The following AUH variants were observed in gnomAD, a reference collection of about 807,000 sequenced individuals.
AUH encodes methylglutaconyl-CoA hydratase, mitochondrial.
AUH carries 29 observed loss-of-function variants against 42.3 expected under a neutral mutation model. The ratio of observed to expected loss-of-function variants is 0.69; its 90% CI spans 0.51 to 0.93. AUH has a LOEUF of 0.93. AUH is among the 40% of genes least tolerant of loss of function. AUH has a pLI of 0.00. For missense variants in AUH, 452 were observed against 438.1 expected, an observed-to-expected ratio of 1.03 and a Z score of -0.28; for synonymous variants, 174 against 166.4, an observed-to-expected ratio of 1.05 and a Z score of -0.35.
chr9:91,337,787 G>C (rs1830801397), intron 3 of AUH, among the ~76,000 whole-genome samples: 3 of 152,154 alleles, frequency 2.0e-5, no homozygotes. Flanking sequence ...ATTACAAATT[G>C]GTTCTGCTTC....
intron 5 of AUH, among the ~76,000 whole-genome samples, chr9:91,297,108 T>C (rs1200449195): frequency 6.6e-6 from 1 of 152,182 alleles, no homozygotes; most frequent in Non-Finnish European, 1.5e-5. Context: ...ACGATGAATA[T>C]GGGAGATCAG....
At chr9:91,348,633 A>T (rs1278690291) in intron 3 of AUH, among the ~76,000 whole-genome samples, 2 of 152,234 alleles carry the variant, frequency 1.3e-5, no homozygotes, top group African/African-American at 4.8e-5. Flanking sequence ...ATTATGTTAA[A>T]TGAAAGAGGT....
intron 6 of AUH, among the ~76,000 whole-genome samples, chr9:91,293,581 G>A (rs1827084873): frequency 2.0e-5 from 3 of 152,188 alleles, no homozygotes; most frequent in African/African-American, 7.2e-5. Context: ...TTAAGTCTGA[G>A]ACAAGTGAAG....
At chr9:91,221,456 A>G (rs1250402106) in intron 6 of AUH, among the ~76,000 whole-genome samples, 2 of 152,250 alleles carry the variant, frequency 1.3e-5, no homozygotes, top group Admixed American at 6.5e-5. Flanking sequence ...TGGCGAATAC[A>G]TTGTAAACAC....
At chr9:91,215,938 T>C (rs1826794509) in intron 9 of AUH, 121 bp downstream of exon 9, 2 of 1,016,184 alleles carry the variant, frequency 2.0e-6, no homozygotes, top group East Asian at 4.9e-5. Context: ...TTCAACCCAT[T>C]TGTATGATTT....
At chr9:91,274,746 A>G (rs1409286978) in intron 6 of AUH, among the ~76,000 whole-genome samples, 1 of 152,206 alleles carries the variant, frequency 6.6e-6, no homozygotes, top group African/African-American at 2.4e-5. Flanking sequence ...AACATCTACT[A>G]AACAGTCAAA....
chr9:91,360,209 C>T (rs1252188273), intron 1 of AUH: 2 of 152,180 alleles, frequency 1.3e-5, no homozygotes, highest in Non-Finnish European at 2.9e-5. Context: ...GCTGTACTTG[C>T]AATCCCTTTA....
intron 6 of AUH, among the ~76,000 whole-genome samples, chr9:91,258,567 T>C (rs557918823): frequency 1.3e-5 from 2 of 152,334 alleles, no homozygotes; most frequent in South Asian, 2.1e-4. Flanking sequence ...TGCTCACTTA[T>C]TGCACTGGCA....
intron 6 of AUH, among the ~76,000 whole-genome samples, chr9:91,282,617 A>G (rs1419856570): frequency 1.3e-5 from 2 of 152,184 alleles, no homozygotes; most frequent in Non-Finnish European, 2.9e-5. Context: ...CATGTCATCT[A>G]TTAAATCTTG....
intron 4 of AUH, among the ~76,000 whole-genome samples, chr9:91,308,933 G>C (rs950670328): frequency 6.6e-6 from 1 of 151,588 alleles, no homozygotes; most frequent in African/African-American, 2.4e-5. Flanking sequence ...TGGCATTACA[G>C]GTGCCTACCA....
chr9:91,323,987 C>G (rs753407326), intron 4 of AUH, among the ~76,000 whole-genome samples: 4 of 151,954 alleles, frequency 2.6e-5, no homozygotes, highest in African/African-American at 4.8e-5. Context: ...GTGCGAGAAT[C>G]AACAGAGAAA....
chr9:91,237,587 T>G (rs1471017792), intron 6 of AUH, among the ~76,000 whole-genome samples: 1 of 152,220 alleles, frequency 6.6e-6, no homozygotes. Flanking sequence ...TTTTTAATCT[T>G]TGGAAATCAT....
At chr9:91,299,330 T>A (rs1827603240) in intron 4 of AUH, among the ~76,000 whole-genome samples, 1 of 152,184 alleles carries the variant, frequency 6.6e-6, no homozygotes, top group South Asian at 2.1e-4. Flanking sequence ...CCTTTTAAAA[T>A]ATACAAATTT....
In AUH at chr9:91,242,534, T is replaced by C. The variant is rs116864557; in HGVS notation, c.656-21542A>G. On this transcript the variant is annotated intron_variant, in intron 6 of 9. Transcript: ENST00000375731. ...GAGAATACTATGGAAAACAATCCTT[T>C]TGGAAAGCTCAACACATGAAAAACA... Among the ~76,000 whole-genome samples the C allele has an allele frequency of 1.5e-3, 222 of 152,236 alleles. 2 individuals are homozygous for C. The East Asian group carries it at 0.041, about 28-fold the overall frequency.
At chr9:91,308,304 T>A (rs768835944) in intron 4 of AUH, among the ~76,000 whole-genome samples, 30 of 152,168 alleles carry the variant, frequency 2.0e-4, no homozygotes, top group Admixed American at 7.2e-4. Context: ...AAGGCTACAG[T>A]GAGCTATGAC....
chr9:91,283,987 A>G (rs1024340929), intron 6 of AUH, among the ~76,000 whole-genome samples: 4 of 152,114 alleles, frequency 2.6e-5, no homozygotes, highest in African/African-American at 9.7e-5. Context: ...GAAAAAAAAA[A>G]AGGGCCCGCA....
chr9:91,298,386 G>C (rs919735085), intron 4 of AUH, among the ~76,000 whole-genome samples: 1 of 152,104 alleles, frequency 6.6e-6, no homozygotes, highest in Non-Finnish European at 1.5e-5. Context: ...TAATCTTAGA[G>C]CCAGAAGTCT....
chr9:91,231,251 G>T (rs974808092), intron 6 of AUH, among the ~76,000 whole-genome samples: 1 of 152,214 alleles, frequency 6.6e-6, no homozygotes, highest in South Asian at 2.1e-4. Flanking sequence ...TAATCTCGTG[G>T]TGCGCCGTTT....
chr9:91,325,244 T>C, intron 4 of AUH, 74 bp downstream of exon 4: 1 of 1,194,952 alleles, frequency 8.4e-7, no homozygotes, highest in Non-Finnish European at 1.2e-6. Context: ...TGCTTATATA[T>C]AATGTGTAAC....
Sources: allele counts gnomAD v4.1 joint callset (sites outside exome capture counted in the v4.1 genomes callset), GRCh38; gene constraint gnomAD v4.1.1; transcripts MANE v1.5; gene names NCBI Gene and HGNC (gene_info 2026-07-23, HGNC 2026-07-21).